CTDP1: variants seen among roughly 807,000 people sequenced by gnomAD.
CTDP1 encodes CTD phosphatase 1.
CTDP1 carries 47 observed loss-of-function variants against 91.8 expected under a neutral mutation model. The ratio of observed to expected loss-of-function variants is 0.51; its 90% CI spans 0.41 to 0.65. The LOEUF is 0.65. Among genes scored for constraint, CTDP1 ranks in the 30% least tolerant of loss-of-function variants. CTDP1 has a pLI of 0.00. For missense variants in CTDP1, 1,272 were observed against 1,373.7 expected (o/e 0.93, Z 1.17); for synonymous variants, 656 against 598.5 (o/e 1.10, Z -1.40).
rs1254351208 is a variant in CTDP1, at chr18:79,680,036, T to A, written c.89T>A (p.Leu30Gln). Residue 30 changes from leucine to glutamine, a missense_variant, in exon 1 of 13, where the codon CTG becomes CAG. By Grantham distance (113) the Leu-to-Gln change is moderately radical. Coordinates refer to ENST00000613122, the MANE Select transcript of CTDP1 (RefSeq NM_004715.5). ...AEVRCPGPAPLRLLEWRVAAG... is the reference protein window; with the variant it reads ...AEVRCPGPAPQRLLEWRVAAG... Reference sequence around the variant, plus strand: ...GTGCGCTGCCCGGGGCCCGCGCCGCTGCGCCTGCTGGAGTGGAGGGTGGCG... The same window carrying A: ...GTGCGCTGCCCGGGGCCCGCGCCGCAGCGCCTGCTGGAGTGGAGGGTGGCG... 7.9e-7 allele frequency: 1 copy of A among 1,258,850 alleles called. No homozygotes were observed. Among genetic ancestry groups the A allele is most frequent in the East Asian group, 3.4e-5 (1 of 29,468 alleles). The allele number at this position is 1,258,850 out of a possible 1,614,324, so 78.0% of individuals were successfully genotyped here. A position where few individuals can be genotyped will look rare whatever the true frequency, so the allele number is the denominator to read the frequency against.
At chr18:79,743,494 C>A (rs974261721) in intron 12 of CTDP1, among the ~76,000 whole-genome samples, 1 of 147,502 alleles carries the variant, frequency 6.8e-6, no homozygotes, top group Non-Finnish European at 1.5e-5. Flanking sequence ...CCACTACACT[C>A]CACCCTGGAC....
intron 8 of CTDP1, among the ~76,000 whole-genome samples, chr18:79,716,488 G>A (rs1368417434): frequency 3.3e-5 from 5 of 152,230 alleles, no homozygotes; most frequent in South Asian, 2.1e-4. Context: ...GGAGCCCAGC[G>A]AGACCCTTGA....
Position 79,693,637 on chromosome 18 carries a change from C to T in CTDP1, c.315-1588C>T, listed in dbSNP as rs575287986. On this transcript the variant is annotated intron_variant, in intron 1 of 12. Transcript: ENST00000613122. ...ACTGTGTACGCACAGGCCCAGGACC[C>T]GGAGGAGCTCAGATTCTTGATAGTC... Among the ~76,000 whole-genome samples, 22 of 152,268 alleles carry T rather than the reference C, an allele frequency of 1.4e-4. No homozygotes were observed. In the South Asian group the frequency reaches 2.3e-3, roughly 16 times the overall value.
upstream of CTDP1, among the ~76,000 whole-genome samples, chr18:79,677,038 T>A (rs995465872): frequency 1.3e-5 from 2 of 152,252 alleles, no homozygotes; most frequent in African/African-American, 2.4e-5. Flanking sequence ...AGGTCTGTAT[T>A]TCAAAGTCCA....
intron 3 of CTDP1, 125 bp downstream of exon 3, chr18:79,696,195 T>G: frequency 2.5e-6 from 2 of 807,752 alleles, no homozygotes; most frequent in South Asian, 2.9e-5. Flanking sequence ...AAACAACCCC[T>G]CATCACACGG....
At chr18:79,737,289 A>G (rs947087581) in intron 12 of CTDP1, among the ~76,000 whole-genome samples, 3 of 152,162 alleles carry the variant, frequency 2.0e-5, no homozygotes, top group Admixed American at 6.5e-5. Context: ...AGATGTTACT[A>G]TTGTGCAGAT....
chr18:79,701,402 C>G (rs530230983), intron 4 of CTDP1, among the ~76,000 whole-genome samples: 1 of 151,700 alleles, frequency 6.6e-6, no homozygotes, highest in Non-Finnish European at 1.5e-5. Flanking sequence ...CCCAGCTACT[C>G]GGGAGGCTGA....
intron 10 of CTDP1, 54 bp downstream of exon 10, chr18:79,718,070 TGC>T (rs2086258895): frequency 6.3e-7 from 1 of 1,595,760 alleles, no homozygotes; most frequent in African/African-American, 1.3e-5. Flanking sequence ...TCAAGCTTGC[TGC>T]TCCAGTCTGT....
intron 10 of CTDP1, 136 bp downstream of exon 10, chr18:79,718,152 C>A: frequency 1.1e-5 from 11 of 1,017,430 alleles, no homozygotes; most frequent in Non-Finnish European, 1.6e-5. Flanking sequence ...CTGCTTCCAC[C>A]TTGTGGGAGC....
intron 10 of CTDP1, among the ~76,000 whole-genome samples, chr18:79,726,624 C>T (rs925128488): frequency 9.1e-4 from 139 of 152,118 alleles, no homozygotes; most frequent in African/African-American, 3.0e-3. Flanking sequence ...GGGCCATGCT[C>T]CAGCAGCAGG....
chr18:79,691,028 T>C (rs2085609904), intron 1 of CTDP1, among the ~76,000 whole-genome samples: 1 of 152,170 alleles, frequency 6.6e-6, no homozygotes, highest in African/African-American at 2.4e-5. Flanking sequence ...ACCGGGACCT[T>C]GCGTGGTTGC....
At chr18:79,710,631 C>T (rs1189514262) in intron 6 of CTDP1, among the ~76,000 whole-genome samples, 195 bp downstream of exon 6, 1 of 151,826 alleles carries the variant, frequency 6.6e-6, no homozygotes, top group South Asian at 2.1e-4. Flanking sequence ...CGCCATTCTC[C>T]TGCCTCAGCC....
At chr18:79,699,397 A>G (rs1347764909) in intron 4 of CTDP1, among the ~76,000 whole-genome samples, 1 of 151,980 alleles carries the variant, frequency 6.6e-6, no homozygotes, top group Non-Finnish European at 1.5e-5. Context: ...AGTAGCTGGG[A>G]CTACAGGTGC....
chr18:79,695,674 G>A (rs1354697615), intron 2 of CTDP1, among the ~76,000 whole-genome samples: 1 of 152,196 alleles, frequency 6.6e-6, no homozygotes, highest in Non-Finnish European at 1.5e-5. Flanking sequence ...GGGAGGTGCG[G>A]CAGCTACTTT....
chr18:79,682,716 TGAGTATCTGTG>T (rs1435110773), intron 1 of CTDP1, among the ~76,000 whole-genome samples: 6 of 152,270 alleles, frequency 3.9e-5, no homozygotes, highest in Admixed American at 2.0e-4. Flanking sequence ...CTGCGGGACC[TGAGTATCTGTG>T]GATGTGGAAT....
chr18:79,740,173 G>A (rs1222958563), intron 12 of CTDP1, among the ~76,000 whole-genome samples: 6 of 147,832 alleles, frequency 4.1e-5, no homozygotes, highest in Non-Finnish European at 9.0e-5. Flanking sequence ...GCCGGGACGG[G>A]TGGGACTCTC....
chr18:79,686,683 C>T (rs1439196093), intron 1 of CTDP1, among the ~76,000 whole-genome samples: 5 of 152,260 alleles, frequency 3.3e-5, no homozygotes, highest in East Asian at 1.9e-4. Flanking sequence ...ATGCTGGTGT[C>T]GTACGATTTT....
chr18:79,714,621 C>G lies in CTDP1; in HGVS notation c.1161C>G (p.Ser387Arg). ...LEKPARELNG[S>R]EAATPRDSPR... Reference sequence around the variant, plus strand: ...AGCCTGCACGGGAGCTGAACGGCAGCGAGGCCGCCACCCCGCGGGACTCAC... The same window carrying G: ...AGCCTGCACGGGAGCTGAACGGCAGGGAGGCCGCCACCCCGCGGGACTCAC... Residue 387 changes from serine to arginine, a missense_variant, in exon 8 of 13, where the codon AGC becomes AGG. Transcript: ENST00000613122. 6.2e-7 allele frequency: 1 copy of G among 1,612,708 alleles called. No individual in the cohort carries two copies. The highest frequency in any genetic ancestry group is 8.5e-7 in the Non-Finnish European group (1 of 1,179,910).
intron 12 of CTDP1, among the ~76,000 whole-genome samples, chr18:79,742,344 G>C (rs568474494): frequency 6.6e-6 from 1 of 152,234 alleles, no homozygotes; most frequent in South Asian, 2.1e-4. Flanking sequence ...GAGGCCTGAG[G>C]GTGGGAGAAC....
Sources: gnomAD v4.1 joint callset for allele counts (sites outside exome capture counted in the v4.1 genomes callset) on GRCh38, gnomAD v4.1.1 for gene constraint, MANE v1.5 for transcripts, NCBI Gene and HGNC (gene_info 2026-07-23, HGNC 2026-07-21) for gene names.